The following HAUS7 variants were observed in gnomAD, a reference collection of about 807,000 sequenced individuals.
The protein encoded by HAUS7 is HAUS augmin-like complex subunit 7.
Under a neutral mutation model 28.4 loss-of-function variants are expected in HAUS7, and 3 were observed. That is an observed-to-expected ratio of 0.11 (90% CI 0.05 to 0.27). HAUS7 has a LOEUF of 0.27. HAUS7 is among the 10% of genes least tolerant of loss of function. The pLI is 1.00. For missense variants in HAUS7, 284 were observed against 297.3 expected, an observed-to-expected ratio of 0.96 and a Z score of 0.33; for synonymous variants, 165 against 132.1, an observed-to-expected ratio of 1.25 and a Z score of -1.71.
intron 7 of HAUS7, 59 bp from the exon 8 acceptor site, chrX:153,455,825 C>T (rs1228890798): frequency 7.2e-6 from 5 of 691,241 alleles, no homozygotes; most frequent in Admixed American, 2.3e-5. Flanking sequence ...AGGCTGCCAC[C>T]GGCCCTCACC....
intron 1 of HAUS7, among the ~76,000 whole-genome samples, chrX:153,494,155 C>T (rs952083051): frequency 9.8e-5 from 11 of 111,813 alleles, no homozygotes; most frequent in African/African-American, 3.3e-4. Context: ...CCTCAGGAAG[C>T]GGCTGAGTCT....
chrX:153,480,757 C>A, intron 1 of HAUS7: 1 of 754,957 alleles, frequency 1.3e-6, no homozygotes, highest in Non-Finnish European at 1.6e-6. Context: ...AAGGAGTCAC[C>A]CCCAGTGACC....
intron 1 of HAUS7, chrX:153,486,139 C>A (rs1556988507): frequency 2.4e-6 from 2 of 842,531 alleles, no homozygotes; most frequent in Admixed American, 9.3e-5. Context: ...GCCGTCTCCA[C>A]CCCCGCACCC....
At chrX:153,456,403 G>A (rs976162493) in intron 6 of HAUS7, 39 bp from the exon 7 acceptor site, 1 of 1,182,461 alleles carries the variant, frequency 8.5e-7, no homozygotes, top group Non-Finnish European at 1.1e-6. Flanking sequence ...ACTCACCGCT[G>A]CCAGGGGTGT....
At chrX:153,453,880 C>T (rs1464304766) in intron 9 of HAUS7, among the ~76,000 whole-genome samples, 6 of 105,996 alleles carry the variant, frequency 5.7e-5, no homozygotes, top group East Asian at 5.9e-4. Flanking sequence ...AGTACTGTGG[C>T]GTGACCTCAG....
rs1556982439 is a variant in HAUS7 at position 153,457,150 on chromosome X, A to C, written c.433T>G (p.Ser145Ala). The change falls in exon 5 of 10, where the codon TCC becomes GCC. Residue 145 changes from serine (S) to alanine (A), a missense_variant. Transcript: ENST00000370211. Reference sequence around the variant, plus strand: ...CCACACCTTTACCTCGAGCAACTGGAGCACCCAATGGTCAGGCTCCGGATG... The same window carrying C: ...CCACACCTTTACCTCGAGCAACTGGCGCACCCAATGGTCAGGCTCCGGATG... ...DTIRSLTIGCSSCSSLMEHFE... is the reference protein window; with the variant it reads ...DTIRSLTIGCASCSSLMEHFE... The C allele has an allele frequency of 8.4e-7, 1 of 1,189,498 alleles. No homozygotes were observed. Among genetic ancestry groups the C allele is most frequent in the Non-Finnish European group, 1.1e-6 (1 of 874,857 alleles).
intron 4 of HAUS7, among the ~76,000 whole-genome samples, chrX:153,457,599 G>C (rs1243974798): frequency 8.8e-6 from 1 of 113,263 alleles, no homozygotes; most frequent in Non-Finnish European, 1.9e-5. Flanking sequence ...GACAAGGCCT[G>C]TTCTCCTCCA....
Position 153,479,429 on chromosome X carries a change from TC to T in HAUS7, c.-588-8285del, listed in dbSNP as rs1437085129. On this transcript the variant is annotated intron_variant, in intron 1 of 5. Transcript: ENST00000370210. Reference sequence around the variant, plus strand: ...GCAGGAAGAAGACTGCCGCAGGCTGTCCACCTCAGGCCCACTTTGGGTACTC... The same window carrying T: ...GCAGGAAGAAGACTGCCGCAGGCTGTCACCTCAGGCCCACTTTGGGTACTC... 8 of 732,432 alleles carry T rather than the reference TC, an allele frequency of 1.1e-5. No individual in the cohort carries two copies. The African/African-American group carries it at 1.9e-4, about 17-fold the overall frequency. The allele number at this position is 732,432 out of a possible 1,213,427, so 60.4% of individuals were successfully genotyped here.
At chrX:153,474,397 C>T (rs1393808732), upstream of HAUS7, among the ~76,000 whole-genome samples, 1 of 111,946 alleles carries the variant, frequency 8.9e-6, no homozygotes, top group African/African-American at 3.2e-5. Flanking sequence ...GTACCACCAT[C>T]GCCATCACCA....
upstream of HAUS7, chrX:153,470,975 C>T (rs1556985225): frequency 3.0e-6 from 1 of 333,085 alleles, no homozygotes; most frequent in South Asian, 2.6e-5. Context: ...TGAAGCGAGG[C>T]TCTTCCAGGA....
intron 1 of HAUS7, chrX:153,481,238 C>A: frequency 3.7e-6 from 2 of 545,361 alleles, no homozygotes; most frequent in Non-Finnish European, 4.4e-6. Context: ...GTCCCAGTAA[C>A]CTGTCGCTCC....
intron 4 of HAUS7, among the ~76,000 whole-genome samples, chrX:153,459,737 C>T (rs781857441): frequency 1.8e-5 from 2 of 112,422 alleles, no homozygotes; most frequent in African/African-American, 3.2e-5. Context: ...ATGCGGAGGA[C>T]GGGCACAATG....
At chrX:153,489,288 G>A (rs1279011151) in intron 1 of HAUS7, among the ~76,000 whole-genome samples, 2 of 112,205 alleles carry the variant, frequency 1.8e-5, no homozygotes, top group East Asian at 2.8e-4. Context: ...GCCCCAGCCC[G>A]AGAGCAAGGG....
At chrX:153,479,369 C>T (rs1301987422) in intron 1 of HAUS7, 6 of 754,703 alleles carry the variant, frequency 8.0e-6, no homozygotes, top group Non-Finnish European at 9.4e-6. Context: ...CTGCCCAGCC[C>T]ACCAGGGGCC....
upstream of HAUS7, among the ~76,000 whole-genome samples, chrX:153,472,914 G>T (rs945159716): frequency 2.7e-5 from 3 of 110,011 alleles, no homozygotes; most frequent in South Asian, 4.0e-4. Flanking sequence ...AAGCTGGGGG[G>T]TCCTGGTCAT....
intron 9 of HAUS7, among the ~76,000 whole-genome samples, chrX:153,451,462 G>T (rs2089238546): frequency 8.9e-6 from 1 of 111,995 alleles, no homozygotes; most frequent in Non-Finnish European, 1.9e-5. Flanking sequence ...GCAAGAAGAG[G>T]CTCCTCAGTG....
intron 4 of HAUS7, among the ~76,000 whole-genome samples, chrX:153,458,796 C>T (rs1195116132): frequency 1.8e-5 from 2 of 111,625 alleles, no homozygotes; most frequent in African/African-American, 3.3e-5. Context: ...CTTGCTCTGT[C>T]GCTCAGGCTG....
At chrX:153,494,709 C>T (rs1176794095) in intron 1 of HAUS7, among the ~76,000 whole-genome samples, 1 of 92,960 alleles carries the variant, frequency 1.1e-5, no homozygotes, top group African/African-American at 4.1e-5. Context: ...CGAGTGTGTC[C>T]GTTCCTTTGC....
At chrX:153,451,715 C>T (rs1222373847) in intron 9 of HAUS7, among the ~76,000 whole-genome samples, 1 of 112,153 alleles carries the variant, frequency 8.9e-6, no homozygotes, top group African/African-American at 3.3e-5. Flanking sequence ...AAACAAGAAG[C>T]TCAGGAGAGG....
Sources: allele counts gnomAD v4.1 joint callset (sites outside exome capture counted in the v4.1 genomes callset), GRCh38; gene constraint gnomAD v4.1.1; transcripts MANE v1.5; gene names NCBI Gene and HGNC (gene_info 2026-07-23, HGNC 2026-07-21).